Variants in GTF2IRD1 observed in about 807,000 individuals in gnomAD.
GTF2IRD1 encodes general transcription factor II-I repeat domain-containing protein 1.
Under a neutral mutation model 113.2 loss-of-function variants are expected in GTF2IRD1, and 26 were observed. The observed-to-expected ratio is 0.23, with a 90% confidence interval of 0.17 to 0.32. The LOEUF is 0.32. Ranked by LOEUF, GTF2IRD1 falls within the 10% of genes least tolerant of loss-of-function variation. GTF2IRD1 has a pLI of 1.00. For missense variants in GTF2IRD1, 864 were observed against 1,280.8 expected, an observed-to-expected ratio of 0.67 and a Z score of 4.97; for synonymous variants, 484 against 529.1, an observed-to-expected ratio of 0.91 and a Z score of 1.17.
Position 74,529,739 on chromosome 7 carries a change from G to T in GTF2IRD1, c.1096G>T (p.Ala366Ser). 6.2e-7 allele frequency: 1 copy of T among 1,613,976 alleles called. No homozygotes were observed. The highest frequency in any genetic ancestry group is 1.1e-5 in the South Asian group (1 of 91,078). The change falls in exon 9 of 27, where the codon GCC (alanine) becomes TCC (serine). Residue 366 changes from alanine (A) to serine (S), a missense_variant. Around this residue, in one of 7 missense-constraint regions of GTF2IRD1, gnomAD observed 218 missense variants for 352.6 expected, o/e 0.62. Transcript: ENST00000424337. ...CTGTTTGGTTGTCTTTCCAGCGGAA[G>T]CCCTGGGCCTGGACCACATGGTCCC... Reference protein sequence around the residue: ...QILFNSRYAEALGLDHMVPVP... With the variant: ...QILFNSRYAESLGLDHMVPVP...
intron 1 of GTF2IRD1, among the ~76,000 whole-genome samples, chr7:74,489,867 C>A (rs1554336331): frequency 6.6e-6 from 1 of 152,192 alleles, no homozygotes; most frequent in South Asian, 2.1e-4. Flanking sequence ...TTTGTCCCAT[C>A]TTTAGATACC....
intron 8 of GTF2IRD1, among the ~76,000 whole-genome samples, chr7:74,529,399 G>A (rs782460624): frequency 2.6e-5 from 4 of 151,786 alleles, no homozygotes; most frequent in South Asian, 2.1e-4. Context: ...GACCACAGGC[G>A]TGCACCACCA....
chr7:74,466,944 TTTTC>T, intron 1 of GTF2IRD1, among the ~76,000 whole-genome samples: 1 of 151,186 alleles, frequency 6.6e-6, no homozygotes, highest in African/African-American at 2.4e-5. Context: ...CCTCCACCCT[TTTTC>T]TTTCTTTTTT....
At chr7:74,565,843 GGGT>G (rs1800272488) in intron 22 of GTF2IRD1, among the ~76,000 whole-genome samples, 1 of 152,004 alleles carries the variant, frequency 6.6e-6, no homozygotes, top group Non-Finnish European at 1.5e-5. Flanking sequence ...GCATGGTGGT[GGGT>G]GGTGGCGCTT....
chr7:74,560,435 T>C (rs1243853532), intron 22 of GTF2IRD1, among the ~76,000 whole-genome samples: 53 of 147,494 alleles, frequency 3.6e-4, no homozygotes, highest in African/African-American at 1.3e-3. Context: ...CTGACCCTTT[T>C]TAAAAAAATA....
intron 22 of GTF2IRD1, among the ~76,000 whole-genome samples, chr7:74,568,438 G>A (rs1383850832): frequency 1.3e-5 from 2 of 151,746 alleles, no homozygotes; most frequent in Non-Finnish European, 2.9e-5. Context: ...CACAAGGTCA[G>A]GAGATCAAGA....
intron 5 of GTF2IRD1, 145 bp from the exon 6 acceptor site, chr7:74,519,264 T>G: frequency 1.8e-6 from 1 of 561,164 alleles, no homozygotes; most frequent in Non-Finnish European, 3.0e-6. Flanking sequence ...TCCCCACTTG[T>G]GAAGTGGAAG....
At chr7:74,539,819 G>A (rs1412226460) in intron 13 of GTF2IRD1, 60 bp from the exon 14 acceptor site, 22 of 1,179,216 alleles carry the variant, frequency 1.9e-5, no homozygotes, top group Non-Finnish European at 2.7e-5. Flanking sequence ...GGCCCTGAGG[G>A]ACTGTGACAG....
At chr7:74,493,081 T>C in intron 1 of GTF2IRD1, among the ~76,000 whole-genome samples, 1 of 151,560 alleles carries the variant, frequency 6.6e-6, no homozygotes, top group Non-Finnish European at 1.5e-5. Flanking sequence ...AATGAGCCAC[T>C]GTGCCTGGCA....
At chr7:74,580,363 C>A (rs146236144) in intron 22 of GTF2IRD1, among the ~76,000 whole-genome samples, 1 of 152,078 alleles carries the variant, frequency 6.6e-6, no homozygotes, top group African/African-American at 2.4e-5. Context: ...TCGCTGGCTG[C>A]GTCTCCCTGC....
chr7:74,476,917 T>C (rs921239386), intron 1 of GTF2IRD1, among the ~76,000 whole-genome samples: 2 of 151,900 alleles, frequency 1.3e-5, no homozygotes, highest in Non-Finnish European at 2.9e-5. Context: ...ACAGGTGTGG[T>C]GAAAATGAGC....
chr7:74,546,161 G>C (rs1798919283), intron 16 of GTF2IRD1, among the ~76,000 whole-genome samples: 1 of 149,674 alleles, frequency 6.7e-6, no homozygotes, highest in Non-Finnish European at 1.5e-5. Context: ...ATAAGAATAA[G>C]ATAAGATAAC....
chr7:74,562,118 T>G (rs1320488726), intron 22 of GTF2IRD1, among the ~76,000 whole-genome samples: 16 of 152,236 alleles, frequency 1.1e-4, no homozygotes, highest in African/African-American at 3.9e-4. Context: ...GAGTGCTACT[T>G]CTGCACCAGA....
chr7:74,595,639 G>T (rs1191408498), intron 25 of GTF2IRD1, among the ~76,000 whole-genome samples: 1 of 152,160 alleles, frequency 6.6e-6, no homozygotes, highest in East Asian at 1.9e-4. Context: ...TCCACGCTGG[G>T]GCCTCCCCAG....
intron 22 of GTF2IRD1, among the ~76,000 whole-genome samples, chr7:74,583,934 G>A (rs1283998540): frequency 1.3e-5 from 2 of 152,140 alleles, no homozygotes; most frequent in Admixed American, 6.6e-5. Flanking sequence ...TGGGCCCCGT[G>A]TGGTGGTCAC....
chr7:74,525,487 C>T (rs1295723742), intron 8 of GTF2IRD1, among the ~76,000 whole-genome samples: 4 of 152,214 alleles, frequency 2.6e-5, no homozygotes, highest in Non-Finnish European at 5.9e-5. Context: ...CGCTGTGGCT[C>T]ATGCCTGTCA....
At chr7:74,578,123 A>G (rs1372470591) in intron 22 of GTF2IRD1, among the ~76,000 whole-genome samples, 1 of 152,096 alleles carries the variant, frequency 6.6e-6, no homozygotes, top group Non-Finnish European at 1.5e-5. Context: ...AATTTTTTAA[A>G]AATTATTTTA....
chr7:74,545,425 C>G (rs1554352978), intron 15 of GTF2IRD1, among the ~76,000 whole-genome samples: 1 of 152,012 alleles, frequency 6.6e-6, no homozygotes, highest in Non-Finnish European at 1.5e-5. Flanking sequence ...TAGTGGGTAC[C>G]CACTAGTTCT....
chr7:74,490,535 A>G (rs1472933323), intron 1 of GTF2IRD1, among the ~76,000 whole-genome samples: 1 of 132,124 alleles, frequency 7.6e-6, no homozygotes, highest in Non-Finnish European at 1.6e-5. Flanking sequence ...TGCTGGGGAG[A>G]AAGGATACCC....
Sources: gnomAD v4.1 joint callset for allele counts (sites outside exome capture counted in the v4.1 genomes callset) on GRCh38, gnomAD v4.1.1 for gene constraint, gnomAD v4.1.1 regional missense constraint, MANE v1.5 for transcripts, NCBI Gene and HGNC (gene_info 2026-07-23, HGNC 2026-07-21) for gene names.